The following EVC2 variants were observed in gnomAD, a reference collection of about 807,000 sequenced individuals.
The protein encoded by EVC2 is limbin.
In EVC2, 148 loss-of-function variants were observed where a neutral mutation model predicts 149.3. The observed-to-expected ratio is 0.99, with a 90% CI of 0.87 to 1.14. The LOEUF is 1.14. Ranked by LOEUF, EVC2 falls within the 50% of genes most tolerant of loss-of-function variation. The pLI is 0.00. For missense variants in EVC2, 1,854 were observed against 1,627.3 expected, an observed-to-expected ratio of 1.14 and a Z score of -2.40; for synonymous variants, 776 against 649.9, an observed-to-expected ratio of 1.19 and a Z score of -2.95.
At chr4:5,660,438 A>G (rs1718803047) in intron 9 of EVC2, among the ~76,000 whole-genome samples, 1 of 152,216 alleles carries the variant, frequency 6.6e-6, no homozygotes, top group South Asian at 2.1e-4. Flanking sequence ...GCTCCTGAAA[A>G]GGATGAGCCA....
chr4:5,607,624 T>A (rs1029221049), intron 16 of EVC2, among the ~76,000 whole-genome samples: 13 of 152,164 alleles, frequency 8.5e-5, no homozygotes, highest in African/African-American at 2.7e-4. Flanking sequence ...CAGAGGCTCA[T>A]ATTTGTCGGT....
At chr4:5,655,405 G>C (rs1019734596) in intron 9 of EVC2, among the ~76,000 whole-genome samples, 1 of 152,134 alleles carries the variant, frequency 6.6e-6, no homozygotes, top group Admixed American at 6.5e-5. Flanking sequence ...AGGGATTCAA[G>C]GGTCCATGAG....
intron 16 of EVC2, among the ~76,000 whole-genome samples, chr4:5,593,351 A>C (rs1374174178): frequency 6.6e-6 from 1 of 152,058 alleles, no homozygotes; most frequent in African/African-American, 2.4e-5. Flanking sequence ...TCCTGCTCTA[A>C]AGCTTTTCAA....
chr4:5,615,599 G>C, intron 15 of EVC2, 55 bp from the exon 16 acceptor site: 4 of 1,613,480 alleles, frequency 2.5e-6, no homozygotes, highest in Non-Finnish European at 3.4e-6. Flanking sequence ...GCAAGTCCAT[G>C]CAGCTCCCCC....
intron 1 of EVC2, among the ~76,000 whole-genome samples, chr4:5,705,555 CTAAA>C (rs912864119): frequency 7.3e-5 from 11 of 150,416 alleles, no homozygotes; most frequent in African/African-American, 9.9e-5. Flanking sequence ...TTTTTGAAAA[CTAAA>C]TAAACTAAAA....
Position 5,622,313 on chromosome 4 carries a change from C to T in EVC2, c.2501+224G>A, listed in dbSNP as rs1376245499. On this transcript the variant is annotated intron_variant, in intron 14 of 21. Transcript: ENST00000344408. This position sits in a 1 kb window ranked among gnomAD's most constrained non-coding sequence, Gnocchi z 5.8. The stretch of plus-strand genomic sequence containing the variant: ...CACCCATCCTCTTGTTACTACAAAC[C>T]CTATGGCCCTGGTTCTGCACTCTGC... Among the ~76,000 whole-genome samples the T allele has an allele frequency of 6.6e-6, 1 of 152,116 alleles. No homozygotes were observed. Among genetic ancestry groups the T allele is most frequent in the Non-Finnish European group, 1.5e-5 (1 of 68,012 alleles).
Position 5,628,543 on chromosome 4 carries a change from C to G in EVC2, c.1886+16G>C, listed in dbSNP as rs1225175260. Reference sequence around the variant, plus strand: ...ACTAAGACAGTTCGCACTGTTGGGACAGTGTTGAGTGGTACCTCTCGTGCT... The same window carrying G: ...ACTAAGACAGTTCGCACTGTTGGGAGAGTGTTGAGTGGTACCTCTCGTGCT... On this transcript the variant is annotated intron_variant, in intron 12 of 21. Coordinates refer to ENST00000344408, the MANE Select transcript of EVC2 (RefSeq NM_147127.5). The G allele has an allele frequency of 6.2e-7, 1 of 1,613,932 alleles. No individual in the cohort carries two copies. The highest frequency in any genetic ancestry group is 1.3e-5 in the African/African-American group (1 of 74,918).
chr4:5,673,507 T>C (rs543982387), intron 7 of EVC2, among the ~76,000 whole-genome samples: 1 of 152,318 alleles, frequency 6.6e-6, no homozygotes, highest in African/African-American at 2.4e-5. Flanking sequence ...CCAAAGAGCA[T>C]CTTTACCTTA....
chr4:5,644,453 C>T (rs1271497755), intron 9 of EVC2, among the ~76,000 whole-genome samples: 5 of 151,920 alleles, frequency 3.3e-5, no homozygotes, highest in African/African-American at 1.2e-4. Context: ...TACAGGCACC[C>T]GCCACCATGC....
intron 17 of EVC2, among the ~76,000 whole-genome samples, chr4:5,581,325 T>G (rs1438000159): frequency 2.0e-5 from 3 of 152,102 alleles, no homozygotes; most frequent in Admixed American, 1.3e-4. Context: ...TGAGGGAAAG[T>G]TTGGAACTTC....
At chr4:5,698,473 C>T (rs367560064) in intron 1 of EVC2, among the ~76,000 whole-genome samples, 2 of 152,178 alleles carry the variant, frequency 1.3e-5, no homozygotes, top group Admixed American at 6.5e-5. Flanking sequence ...AAGCCTCCTC[C>T]GAGTCTGCTC....
intron 14 of EVC2, among the ~76,000 whole-genome samples, chr4:5,621,157 G>A (rs530984460): frequency 6.6e-6 from 1 of 152,310 alleles, no homozygotes; most frequent in African/African-American, 2.4e-5. Context: ...TGGTAGCAAG[G>A]TCGGATCCTG....
intron 7 of EVC2, among the ~76,000 whole-genome samples, chr4:5,675,408 C>T (rs1396743648): frequency 6.6e-6 from 1 of 152,180 alleles, no homozygotes; most frequent in Non-Finnish European, 1.5e-5. Flanking sequence ...TCCTCCTCCT[C>T]CCGTTGGTTT....
At chr4:5,563,947 G>A (rs956983927) in intron 21 of EVC2, among the ~76,000 whole-genome samples, 4 of 152,126 alleles carry the variant, frequency 2.6e-5, no homozygotes, top group Non-Finnish European at 5.9e-5. Flanking sequence ...GCCATGGGCA[G>A]TCCAACCCCT....
intron 1 of EVC2, among the ~76,000 whole-genome samples, chr4:5,704,033 A>G (rs1433898015): frequency 6.6e-6 from 1 of 152,154 alleles, no homozygotes; most frequent in Non-Finnish European, 1.5e-5. Flanking sequence ...AGGGTGCCTG[A>G]GCAGGGCGAG....
chr4:5,624,768 C>T (rs184565490), intron 13 of EVC2, among the ~76,000 whole-genome samples: 42 of 152,222 alleles, frequency 2.8e-4, no homozygotes, highest in Admixed American at 9.2e-4. Flanking sequence ...GGGTATGCAT[C>T]AGTGATCAAG....
At chr4:5,599,731 TAAAA>T (rs1560153990) in intron 16 of EVC2, among the ~76,000 whole-genome samples, 1 of 151,394 alleles carries the variant, frequency 6.6e-6, no homozygotes, top group East Asian at 1.9e-4. Flanking sequence ...TAAAATAAAA[TAAAA>T]GAAGATTCCC....
At chr4:5,691,392 A>C in intron 3 of EVC2, 59 bp from the exon 4 acceptor site, 1 of 1,381,022 alleles carries the variant, frequency 7.2e-7, no homozygotes, top group Non-Finnish European at 1.0e-6. Flanking sequence ...ATACATATTT[A>C]ATAAAAGTAC....
At chr4:5,646,342 A>C (rs1413620346) in intron 9 of EVC2, among the ~76,000 whole-genome samples, 1 of 151,778 alleles carries the variant, frequency 6.6e-6, no homozygotes, top group Non-Finnish European at 1.5e-5. Flanking sequence ...TGTTGGCTAC[A>C]TGTATGTCTT....
Sources: gnomAD v4.1 joint callset for allele counts (sites outside exome capture counted in the v4.1 genomes callset) on GRCh38, gnomAD v4.1.1 for gene constraint, Gnocchi (gnomAD v3.1) non-coding constraint, MANE v1.5 for transcripts, NCBI Gene and HGNC (gene_info 2026-07-23, HGNC 2026-07-21) for gene names.